RPH3AL: variants seen among roughly 807,000 people sequenced by gnomAD.
The protein encoded by RPH3AL is rabphilin 3A like (without C2 domains).
Under a neutral mutation model 43.1 loss-of-function variants are expected in RPH3AL, and 38 were observed. The ratio of observed to expected loss-of-function variants is 0.88; its 90% CI spans 0.68 to 1.15. RPH3AL has a LOEUF of 1.15. RPH3AL is among the 50% of genes most tolerant of loss of function. The pLI is 0.00. For synonymous variants in RPH3AL, 189 were observed against 176.3 expected, an observed-to-expected ratio of 1.07 and a Z score of -0.57; for missense variants, 462 against 423.2, an observed-to-expected ratio of 1.09 and a Z score of -0.81.
intron 5 of RPH3AL, among the ~76,000 whole-genome samples, chr17:297,077 C>T (rs11869552): frequency 0.28 from 42,782 of 152,148 alleles, 6,224 homozygotes; most frequent in Middle Eastern, 0.33. Flanking sequence ...GGAACACAAC[C>T]CTCTCCAAGC....
chr17:309,056 G>C (rs1482162034), intron 5 of RPH3AL, among the ~76,000 whole-genome samples: 1 of 152,210 alleles, frequency 6.6e-6, no homozygotes, highest in African/African-American at 2.4e-5. Context: ...CCAGCACTTT[G>C]AGAGGCCGAG....
rs1026093237 is a variant in RPH3AL, at chr17:274,973, A to C, written c.438+6795T>G. Among the ~76,000 whole-genome samples the C allele has an allele frequency of 6.6e-6, 1 of 152,238 alleles. No homozygotes were observed. The highest frequency in any genetic ancestry group is 1.5e-5 in the Non-Finnish European group (1 of 68,042). ...GAAACCAGAGTGGAGAACAGAATCG[A>C]AACTTACACCGGAGGGGAAAGAGCA... On this transcript the variant is annotated intron_variant, in intron 6 of 9. Transcript: ENST00000331302. The surrounding 1 kb of genome is among the most constrained non-coding windows in gnomAD (Gnocchi z 4.7).
chr17:265,941 G>A (rs1313240633), intron 6 of RPH3AL, among the ~76,000 whole-genome samples: 2 of 152,190 alleles, frequency 1.3e-5, no homozygotes, highest in Non-Finnish European at 2.9e-5. Context: ...TCCGCTCACG[G>A]CGGATGTTCA....
chr17:266,481 G>A (rs1555548059), intron 6 of RPH3AL, among the ~76,000 whole-genome samples: 1 of 152,164 alleles, frequency 6.6e-6, no homozygotes, highest in Non-Finnish European at 1.5e-5. Context: ...GGAGGGCCCC[G>A]CCCTCATCAG....
Position 273,021 on chromosome 17 carries a change from G to A in RPH3AL, c.438+8747C>T, listed in dbSNP as rs548223732. ...GAGACCCCAGCGAGGGCGACATCAG[G>A]AAGAGACCCCAGCGAGGGCGACGTC... On this transcript the variant is annotated intron_variant, in intron 6 of 9. Coordinates refer to ENST00000331302, the MANE Select transcript of RPH3AL (RefSeq NM_006987.4). 1.5e-3 allele frequency among the ~76,000 whole-genome samples: 177 copies of A among 119,646 alleles called. 3 individuals carry two copies. Among genetic ancestry groups the A allele is most frequent in the Middle Eastern group, 0.014 (3 of 214 alleles). 78.5% of individuals were successfully genotyped at this position (119,646 alleles called of 152,430 possible).
rs2043580780 is a variant in RPH3AL, at chr17:309,455, C to CCCG, written c.351+9964_351+9965insCGG. On this transcript the variant is annotated intron_variant, in intron 5 of 9. Transcript: ENST00000331302. ...TGGGGGTCCGGGATACGGCACATCCCTTGTCCAGGGCTCCTGCCAGCCCCC... is the reference window on the plus strand; with the variant it reads ...TGGGGGTCCGGGATACGGCACATCCCCCGTTGTCCAGGGCTCCTGCCAGCCCCC... Among the ~76,000 whole-genome samples the CCCG allele has an allele frequency of 2.0e-5, 3 of 152,064 alleles. No individual in the cohort carries two copies. In the East Asian group the frequency reaches 5.8e-4, roughly 30 times the overall value.
chr17:226,712 C>T (rs1420515337), intron 7 of RPH3AL, among the ~76,000 whole-genome samples: 3 of 152,140 alleles, frequency 2.0e-5, no homozygotes, highest in South Asian at 2.1e-4. Context: ...GAAATGTCAC[C>T]GTAAAACTCA....
At chr17:296,120 T>C (rs1417183665) in intron 5 of RPH3AL, among the ~76,000 whole-genome samples, 7 of 104,026 alleles carry the variant, frequency 6.7e-5, no homozygotes, top group African/African-American at 1.9e-4. Flanking sequence ...CAGAAATGGA[T>C]GGACAGAGGG....
At chr17:272,372 T>G (rs111587332) in intron 6 of RPH3AL, among the ~76,000 whole-genome samples, 1 of 151,678 alleles carries the variant, frequency 6.6e-6, no homozygotes, top group Non-Finnish European at 1.5e-5. Flanking sequence ...CCATCAGTGA[T>G]AGACTGGATT....
Position 217,392 on chromosome 17 carries a change from G to A in RPH3AL, c.728-1590C>T, listed in dbSNP as rs1406256461. Reference sequence around the variant, plus strand: ...GAAATCAGGACCCCCAAGGCATTTCGTTCCCATCTCGGGCAGTTATTACAG... The same window carrying A: ...GAAATCAGGACCCCCAAGGCATTTCATTCCCATCTCGGGCAGTTATTACAG... On this transcript the variant is annotated intron_variant, in intron 8 of 9. Transcript: ENST00000331302. 2.1e-4 allele frequency among the ~76,000 whole-genome samples: 12 copies of A among 57,444 alleles called. 1 individual carries two copies. The highest frequency in any genetic ancestry group is 1.5e-3 in the Admixed American group (8 of 5,268). The allele number at this position is 57,444 out of a possible 152,430, so 37.7% of individuals were successfully genotyped here.
At chr17:237,636 T>C (rs1411068258) in intron 7 of RPH3AL, among the ~76,000 whole-genome samples, 1 of 152,142 alleles carries the variant, frequency 6.6e-6, no homozygotes, top group Admixed American at 6.5e-5. Context: ...GAGCAGGGCT[T>C]TTGATGGTGC....
At chr17:257,978 T>C (rs12938184) in intron 6 of RPH3AL, among the ~76,000 whole-genome samples, 12,209 of 34,384 alleles carry the variant, frequency 0.36, 3,205 homozygotes, top group African/African-American at 0.41. Context: ...CTACCCTACG[T>C]ACTTCCTATG....
chr17:333,378 T>G lies in RPH3AL; in HGVS notation c.-37+381A>C. 9.6e-7 allele frequency: 1 copy of G among 1,036,384 alleles called. No individual in the cohort carries two copies. Among genetic ancestry groups the G allele is most frequent in the East Asian group, 6.2e-5 (1 of 16,240 alleles). The allele number at this position is 1,036,384 out of a possible 1,614,324, so 64.2% of individuals were successfully genotyped here. ...CCCATGGCGACTCTTAACACCTTAA[T>G]GTAGCACCTTCCAACTTTTCCTGGG... On this transcript the variant is annotated intron_variant, in intron 2 of 9. Transcript: ENST00000331302. The surrounding 1 kb of genome is among the most constrained non-coding windows in gnomAD (Gnocchi z 4.5).
intron 6 of RPH3AL, among the ~76,000 whole-genome samples, chr17:279,384 G>A (rs2042727565): frequency 2.0e-5 from 3 of 152,206 alleles, no homozygotes; most frequent in African/African-American, 7.2e-5. Flanking sequence ...ATCTTTTAGA[G>A]GCTAAGTTTT....
At chr17:312,325 G>T (rs2043665610) in intron 5 of RPH3AL, among the ~76,000 whole-genome samples, 3 of 152,016 alleles carry the variant, frequency 2.0e-5, no homozygotes, top group African/African-American at 7.3e-5. Flanking sequence ...AGAGGAGGAG[G>T]AGAGACTAGA....
In RPH3AL at chr17:345,776, C is replaced by T. The variant is rs571640611; in HGVS notation, c.-213+6936G>A. ...TGCGTGCACACCCTGCTGGGGCACG[C>T]GTGCTCCCCATCTGCATGCACACCC... On this transcript the variant is annotated intron_variant, in intron 1 of 9. Coordinates refer to ENST00000331302, the MANE Select transcript of RPH3AL (RefSeq NM_006987.4). Among the ~76,000 whole-genome samples, 39 of 129,856 alleles carry T rather than the reference C, an allele frequency of 3.0e-4. 7 individuals carry two copies. Among genetic ancestry groups the T allele is most frequent in the Admixed American group, 1.9e-3 (26 of 13,642 alleles). The allele number at this position is 129,856 out of a possible 152,430, so 85.2% of individuals were successfully genotyped here.
At chr17:288,003 A>G (rs377002694) in intron 5 of RPH3AL, among the ~76,000 whole-genome samples, 1 of 540 alleles carries the variant, frequency 1.9e-3, no homozygotes, top group African/African-American at 2.0e-3. Flanking sequence ...GTCAGACCTC[A>G]CACCCTCTCT....
At chr17:326,080 G>A (rs749538556) in intron 3 of RPH3AL, among the ~76,000 whole-genome samples, 28 of 152,200 alleles carry the variant, frequency 1.8e-4, no homozygotes, top group Admixed American at 4.6e-4. Flanking sequence ...GCACAGTGGC[G>A]GAGCTCTCCT....
At chr17:238,448 T>A (rs951541554) in intron 7 of RPH3AL, among the ~76,000 whole-genome samples, 1 of 152,206 alleles carries the variant, frequency 6.6e-6, no homozygotes, top group African/African-American at 2.4e-5. Context: ...CTGTTAACTG[T>A]CCTCGGCGTT....
Sources: allele counts gnomAD v4.1 joint callset (sites outside exome capture counted in the v4.1 genomes callset), GRCh38; gene constraint gnomAD v4.1.1; non-coding constraint Gnocchi (gnomAD v3.1); transcripts MANE v1.5; gene names NCBI Gene and HGNC (gene_info 2026-07-23, HGNC 2026-07-21).